Variants in DPF2 observed in about 807,000 individuals in gnomAD.
The protein encoded by DPF2 is zinc finger protein ubi-d4.
Under a neutral mutation model 59.6 loss-of-function variants are expected in DPF2, and 10 were observed. The observed-to-expected ratio is 0.17, with a 90% CI of 0.10 to 0.28. DPF2 has a LOEUF of 0.28. DPF2 is among the 10% of genes least tolerant of loss of function. The pLI is 1.00. For missense variants in DPF2, 315 were observed against 509.4 expected (o/e 0.62, Z 3.67); for synonymous variants, 189 against 190.6 (o/e 0.99, Z 0.07).
chr11:65,341,172 A>C, intron 3 of DPF2, 99 bp downstream of exon 3: 1 of 1,335,418 alleles, frequency 7.5e-7, no homozygotes, highest in Non-Finnish European at 1.0e-6. Flanking sequence ...TCCCAAATAT[A>C]CTCAAATGAA....
rs956738802 is a variant in DPF2 at position 65,342,100 on chromosome 11, C to CA, written c.465+550dup. 460 of 138,258 alleles carry CA rather than the reference C, an allele frequency of 3.3e-3. 3 individuals carry two copies. Among genetic ancestry groups the CA allele is most frequent in the African/African-American group, 5.6e-3 (212 of 37,634 alleles). The allele number at this position is 138,258 out of a possible 1,614,324, so 8.6% of individuals were successfully genotyped here. A position where few individuals can be genotyped will look rare whatever the true frequency, so the allele number is the denominator to read the frequency against. ...TGCCACTGCACTCCAGCCTGGGCAA[C>CA]AAAAAAAAAAAATTAAAACCAGAAG... On this transcript the variant is annotated intron_variant, in intron 4 of 10. Transcript: ENST00000528416.
chr11:65,335,095 A>ATTTT (rs1215895477), intron 1 of DPF2, among the ~76,000 whole-genome samples: 1 of 121,592 alleles, frequency 8.2e-6, no homozygotes, highest in Non-Finnish European at 1.7e-5. Flanking sequence ...TTTTTTTTTA[A>ATTTT]GTTGCTTTCT....
At chr11:65,349,247 T>G (rs112337755) in intron 10 of DPF2, among the ~76,000 whole-genome samples, 5 of 152,360 alleles carry the variant, frequency 3.3e-5, no homozygotes, top group African/African-American at 1.2e-4. Context: ...GATTATCTGA[T>G]GTGAAACTTC....
intron 4 of DPF2, among the ~76,000 whole-genome samples, chr11:65,343,009 A>G (rs1270682302): frequency 7.1e-6 from 1 of 141,524 alleles, no homozygotes; most frequent in Non-Finnish European, 1.5e-5. Context: ...AAAAAAAAAA[A>G]CTTCCCATGG....
At chr11:65,341,611 C>T (rs1254926341) in intron 4 of DPF2, 49 bp downstream of exon 4, 1 of 1,605,686 alleles carries the variant, frequency 6.2e-7, no homozygotes, top group Non-Finnish European at 8.5e-7. Context: ...AAATCAGCCT[C>T]CTCTTCACTG....
At chr11:65,340,264 GA>G in intron 1 of DPF2, 120 bp from the exon 2 acceptor site, 2 of 1,187,700 alleles carry the variant, frequency 1.7e-6, no homozygotes, top group Non-Finnish European at 1.2e-6. Context: ...AAATAGAACG[GA>G]AGAGACAGCC....
At chr11:65,340,881 G>A in intron 2 of DPF2, 85 bp from the exon 3 acceptor site, 1 of 1,350,164 alleles carries the variant, frequency 7.4e-7, no homozygotes, top group South Asian at 1.3e-5. Context: ...AGAACTCAAA[G>A]GGGGGCCTAC....
At chr11:65,338,313 C>T (rs1252426258) in intron 1 of DPF2, among the ~76,000 whole-genome samples, 1 of 152,166 alleles carries the variant, frequency 6.6e-6, no homozygotes, top group East Asian at 1.9e-4. Flanking sequence ...TCTCCCCCCA[C>T]ACTTCAGTGT....
chr11:65,337,477 ATATATATATATAT>A (rs1854209252), intron 1 of DPF2, among the ~76,000 whole-genome samples: 2 of 33,990 alleles, frequency 5.9e-5, no homozygotes, highest in Admixed American at 4.5e-4. Context: ...AAAAAAAAAT[ATATATATATATAT>A]ATATATATAT....
rs1465981434 is a variant in DPF2, at chr11:65,337,496, TATATATATAGAGAG to T, written c.33-2887_33-2874del. On this transcript the variant is annotated intron_variant, in intron 1 of 10. Transcript: ENST00000528416. ...AAAAATATATATATATATATATATA[TATATATATAGAGAG>T]AGAGAGAGAGAGAGAGAGAGAGAGA... is the stretch of plus-strand genomic sequence containing the variant. 6.8e-3 allele frequency among the ~76,000 whole-genome samples: 388 copies of T among 57,164 alleles called. 3 individuals carry two copies. Among genetic ancestry groups the T allele is most frequent in the Admixed American group, 8.7e-3 (38 of 4,352 alleles). 37.5% of individuals were successfully genotyped at this position (57,164 alleles called of 152,430 possible).
chr11:65,343,583 G>A, intron 4 of DPF2, 162 bp from the exon 5 acceptor site: 1 of 631,342 alleles, frequency 1.6e-6, no homozygotes, highest in East Asian at 2.7e-5. Context: ...AAGGGAGCAG[G>A]AGCAGGATTA....
chr11:65,336,785 CAAAAAAA>C (rs751170058), intron 1 of DPF2, among the ~76,000 whole-genome samples: 2,885 of 65,790 alleles, frequency 0.044, 45 homozygotes, highest in Middle Eastern at 0.14. Flanking sequence ...GACTCCATCT[CAAAAAAA>C]AAAAAAAAAA....
intron 3 of DPF2, 40 bp downstream of exon 3, chr11:65,341,113 C>A: frequency 6.3e-7 from 1 of 1,578,852 alleles, no homozygotes; most frequent in South Asian, 1.1e-5. Flanking sequence ...TGGCCTGCTG[C>A]ATGGTGAGAG....
At chr11:65,344,675 C>G in intron 6 of DPF2, 1 of 1,511,660 alleles carries the variant, frequency 6.6e-7, no homozygotes, top group Non-Finnish European at 8.9e-7. Context: ...TTTCCCTCTT[C>G]CCTTGTTCCT....
chr11:65,335,260 C>T (rs1347498459), intron 1 of DPF2, among the ~76,000 whole-genome samples: 2 of 152,074 alleles, frequency 1.3e-5, no homozygotes, highest in South Asian at 4.1e-4. Flanking sequence ...TCCAGTTATC[C>T]TTCCTGACTC....
chr11:65,353,434 A>C lies in DPF2; in HGVS notation c.*1675A>C, dbSNP rs146460934. The stretch of plus-strand genomic sequence containing the variant: ...ATGACATCACCATGGGACACACACA[A>C]AAGTTCTTGCAGGAGCAGGGTCTGT... On this transcript the variant is annotated 3_prime_UTR_variant, in exon 11 of 11. Transcript: ENST00000528416. Among the ~76,000 whole-genome samples the C allele has an allele frequency of 1.3e-5, 2 of 152,208 alleles. No individual in the cohort carries two copies. Among genetic ancestry groups the C allele is most frequent in the Non-Finnish European group, 2.9e-5 (2 of 68,040 alleles).
chr11:65,346,216 C>A (rs1381230571), intron 8 of DPF2, 31 bp from the exon 9 acceptor site: 1 of 1,609,240 alleles, frequency 6.2e-7, no homozygotes, highest in East Asian at 2.2e-5. Context: ...GCATTTCCGA[C>A]TGTCTGTCTC....
intron 3 of DPF2, 104 bp from the exon 4 acceptor site, chr11:65,341,295 C>G (rs1854363592): frequency 6.6e-7 from 1 of 1,524,520 alleles, no homozygotes; most frequent in African/African-American, 1.4e-5. Flanking sequence ...GTGCAGAGAA[C>G]AAAAGATAGT....
intron 4 of DPF2, among the ~76,000 whole-genome samples, chr11:65,343,266 T>C (rs1386268109): frequency 8.3e-6 from 1 of 120,244 alleles, no homozygotes; most frequent in Non-Finnish European, 1.6e-5. Context: ...GCCATTGCAC[T>C]CCAGCCTGGG....
Sources: gnomAD v4.1 joint callset for allele counts (sites outside exome capture counted in the v4.1 genomes callset) on GRCh38, gnomAD v4.1.1 for gene constraint, MANE v1.5 for transcripts, NCBI Gene and HGNC (gene_info 2026-07-23, HGNC 2026-07-21) for gene names.